RYR3: variants seen among roughly 807,000 people sequenced by gnomAD.
The protein encoded by RYR3 is ryanodine receptor 3.
Under a neutral mutation model 584.3 loss-of-function variants are expected in RYR3, and 207 were observed. The observed-to-expected ratio is 0.35, with a 90% confidence interval of 0.32 to 0.40. The LOEUF is 0.40. Among genes scored for constraint, RYR3 ranks in the 10% least tolerant of loss-of-function variants. The pLI, the probability that RYR3 is intolerant of heterozygous loss-of-function variation, is 1.00. For missense variants in RYR3, 5,616 were observed against 6,089.2 expected (o/e 0.92, Z 2.59); for synonymous variants, 2,416 against 2,248.5 (o/e 1.07, Z -2.11).
At position 33,857,764 on chromosome 15, in the gene RYR3, GT is replaced by G; in HGVS notation, c.14008-15del. ...AGACCCCACTCCTTTTCCTTTCTCT[GT>G]CCTCTCATTCCCAGTTGGTTCTGAC... is the stretch of plus-strand genomic sequence containing the variant. On this transcript the variant is annotated splice_polypyrimidine_tract_variant and intron_variant, in intron 98 of 103. Coordinates refer to ENST00000634891, the MANE Select transcript of RYR3 (RefSeq NM_001036.6). 1 of 1,613,746 alleles carries G rather than the reference GT, an allele frequency of 6.2e-7. No individual in the cohort carries two copies. Among genetic ancestry groups the G allele is most frequent in the Non-Finnish European group, 8.5e-7 (1 of 1,179,798 alleles).
intron 86 of RYR3, among the ~76,000 whole-genome samples, chr15:33,833,472 T>G (rs2077825972): frequency 1.3e-5 from 2 of 152,206 alleles, no homozygotes; most frequent in African/African-American, 2.4e-5. Context: ...TGAGGGGAGA[T>G]ATATCCTTGT....
intron 82 of RYR3, chr15:33,825,942 C>T (rs2077358175): frequency 4.0e-6 from 2 of 496,892 alleles, no homozygotes; most frequent in East Asian, 3.7e-5. Flanking sequence ...TCATGTTGGC[C>T]AGGCTGGTCT....
intron 51 of RYR3, among the ~76,000 whole-genome samples, chr15:33,740,408 C>G (rs1454173287): frequency 6.6e-6 from 1 of 152,158 alleles, no homozygotes; most frequent in African/African-American, 2.4e-5. Flanking sequence ...TCAGCTGTGT[C>G]CTGGCAAGGC....
chr15:33,649,828 G>A (rs1020915069), intron 31 of RYR3, among the ~76,000 whole-genome samples: 5 of 152,250 alleles, frequency 3.3e-5, no homozygotes, highest in African/African-American at 9.6e-5. Flanking sequence ...TTGGCCAGAT[G>A]TGCTCCAGAG....
At chr15:33,515,489 G>A (rs1478816587) in intron 3 of RYR3, among the ~76,000 whole-genome samples, 5 of 152,238 alleles carry the variant, frequency 3.3e-5, no homozygotes, top group African/African-American at 1.2e-4. Context: ...TCTACCTGTT[G>A]TATATGGAAT....
chr15:33,809,609 TC>T (rs2076402300), intron 70 of RYR3, among the ~76,000 whole-genome samples: 1 of 72,474 alleles, frequency 1.4e-5, no homozygotes, highest in Non-Finnish European at 3.1e-5. Context: ...GATTCCTCTC[TC>T]TCTTTTTTTT....
Position 33,360,491 on chromosome 15 carries a change from T to A in RYR3, c.51+49395T>A, listed in dbSNP as rs538481868. On this transcript the variant is annotated intron_variant, in intron 1 of 103. Coordinates refer to ENST00000634891, the MANE Select transcript of RYR3 (RefSeq NM_001036.6). ...CATTACTGAGTACTATGACTTTGTA[T>A]GGATATATCACAGTTTACCAGTTCA... is the stretch of plus-strand genomic sequence containing the variant. Among the ~76,000 whole-genome samples, 4 of 152,338 alleles carry A rather than the reference T, an allele frequency of 2.6e-5. No individual in the cohort carries two copies. The East Asian group carries it at 7.7e-4, about 29-fold the overall frequency.
At chr15:33,368,013 T>C (rs559832493) in intron 1 of RYR3, among the ~76,000 whole-genome samples, 184 of 152,286 alleles carry the variant, frequency 1.2e-3, no homozygotes, top group South Asian at 2.1e-3. Flanking sequence ...GCATTGTAAA[T>C]GGGAAGGAAG....
chr15:33,806,758 CT>C (rs10713428), intron 69 of RYR3, among the ~76,000 whole-genome samples: 29,451 of 142,818 alleles, frequency 0.21, 3,271 homozygotes, highest in African/African-American at 0.32. Flanking sequence ...TTCTTTTTTC[CT>C]TTTTTTTTTT....
chr15:33,706,269 G>A (rs75031441), intron 42 of RYR3, among the ~76,000 whole-genome samples: 3,691 of 152,128 alleles, frequency 0.024, 149 homozygotes, highest in African/African-American at 0.084. Flanking sequence ...ATTTTTAACT[G>A]TATGTGTAGT....
intron 65 of RYR3, among the ~76,000 whole-genome samples, 165 bp from the exon 66 acceptor site, chr15:33,785,497 G>C (rs1017905156): frequency 2.6e-5 from 4 of 152,138 alleles, no homozygotes; most frequent in African/African-American, 4.8e-5. Context: ...GCTGCACTCT[G>C]TTCACAGACA....
At chr15:33,835,252 G>C (rs2077963712) in intron 87 of RYR3, among the ~76,000 whole-genome samples, 180 bp downstream of exon 87, 1 of 152,326 alleles carries the variant, frequency 6.6e-6, no homozygotes, top group African/African-American at 2.4e-5. Flanking sequence ...CCTCGGAGGG[G>C]CGCGGGGTCC....
At chr15:33,613,654 C>T (rs925424222) in intron 19 of RYR3, among the ~76,000 whole-genome samples, 10 of 152,164 alleles carry the variant, frequency 6.6e-5, no homozygotes, top group Non-Finnish European at 1.5e-4. Context: ...ATTACATGCT[C>T]ATTATAAGAA....
chr15:33,336,528 A>AG lies in RYR3; in HGVS notation c.51+25434dup, dbSNP rs1971094934. Among the ~76,000 whole-genome samples the AG allele has an allele frequency of 2.4e-5, 2 of 81,686 alleles. 1 individual carries two copies. Among genetic ancestry groups the AG allele is most frequent in the Non-Finnish European group, 4.9e-5 (2 of 41,176 alleles). The allele number at this position is 81,686 out of a possible 152,430, so 53.6% of individuals were successfully genotyped here. A position where few individuals can be genotyped will look rare whatever the true frequency, so the allele number is the denominator to read the frequency against. On this transcript the variant is annotated intron_variant, in intron 1 of 103. Coordinates refer to ENST00000634891, the MANE Select transcript of RYR3 (RefSeq NM_001036.6). Reference sequence around the variant, plus strand: ...AAGGAGGGAAGGAGGGAAGGAGGGAAGGAGGGAAGGAGGGAAGGAGGGAAG... The same window carrying AG: ...AAGGAGGGAAGGAGGGAAGGAGGGAAGGGAGGGAAGGAGGGAAGGAGGGAAG...
chr15:33,492,397 C>T (rs2051037862), intron 2 of RYR3, among the ~76,000 whole-genome samples: 1 of 151,166 alleles, frequency 6.6e-6, no homozygotes, highest in African/African-American at 2.4e-5. Flanking sequence ...AATATCTGTC[C>T]ATGTACTGCT....
chr15:33,818,652 C>T lies in RYR3; in HGVS notation c.10674C>T (p.Leu3558=), dbSNP rs765266347. Residue 3558 remains leucine (L), a synonymous_variant, in exon 76 of 104, where the codon CTC becomes CTT. Coordinates refer to ENST00000634891, the MANE Select transcript of RYR3 (RefSeq NM_001036.6). ...KQPDPLHQII[L]YFSRNALTER... is the part of the protein sequence containing the mutation. The stretch of plus-strand genomic sequence containing the variant: ...CTGACCCACTACATCAGATCATTCT[C>T]TATTTTAGCCGCAACGCTCTCACGG... 6.2e-7 allele frequency: 1 copy of T among 1,613,844 alleles called. No individual in the cohort carries two copies. Among genetic ancestry groups the T allele is most frequent in the Non-Finnish European group, 8.5e-7 (1 of 1,179,880 alleles).
In RYR3 at chr15:33,742,310, A is replaced by G. The variant is rs1257600556; in HGVS notation, c.7821-56A>G. The stretch of plus-strand genomic sequence containing the variant: ...TGATTGGTAGTTCTGACTATCTTCT[A>G]CTATGTCTGGCTGAAGTGCTTGGGG... On this transcript the variant is annotated intron_variant, in intron 51 of 103. Coordinates refer to ENST00000634891, the MANE Select transcript of RYR3 (RefSeq NM_001036.6). 6 of 1,092,502 alleles carry G rather than the reference A, an allele frequency of 5.5e-6. No individual in the cohort carries two copies. In the Middle Eastern group the frequency reaches 1.0e-3, roughly 191 times the overall value. The allele number at this position is 1,092,502 out of a possible 1,614,324, so 67.7% of individuals were successfully genotyped here.
intron 48 of RYR3, among the ~76,000 whole-genome samples, chr15:33,733,574 G>C (rs925968174): frequency 6.6e-6 from 1 of 152,198 alleles, no homozygotes; most frequent in African/African-American, 2.4e-5. Context: ...GAAAAGATCA[G>C]TGGTGTCAGG....
intron 20 of RYR3, among the ~76,000 whole-genome samples, chr15:33,624,965 G>T (rs2060910404): frequency 6.6e-6 from 1 of 152,128 alleles, no homozygotes; most frequent in Admixed American, 6.6e-5. Context: ...TCATGAGTCT[G>T]CTTCTTACCT....
Sources: allele counts gnomAD v4.1 joint callset (sites outside exome capture counted in the v4.1 genomes callset), GRCh38; gene constraint gnomAD v4.1.1; transcripts MANE v1.5; gene names NCBI Gene and HGNC (gene_info 2026-07-23, HGNC 2026-07-21).